ACYP2: variants seen among roughly 807,000 people sequenced by gnomAD.
ACYP2 encodes acylphosphatase 2.
A neutral mutation model predicts 11.2 loss-of-function variants in ACYP2; 12 were observed. The observed-to-expected ratio is 1.08, with a 90% CI of 0.69 to 1.74. ACYP2 has a LOEUF of 1.74. ACYP2 is among the 40% of genes most tolerant of loss of function. The pLI is 0.00. For missense variants in ACYP2, 134 were observed against 101.9 expected (o/e 1.31, Z -1.35); for synonymous variants, 43 against 32.2 (o/e 1.33, Z -1.13).
chr2:54,274,260 G>T (rs1163123841), intron 6 of ACYP2, among the ~76,000 whole-genome samples: 1 of 152,114 alleles, frequency 6.6e-6, no homozygotes, highest in Non-Finnish European at 1.5e-5. Flanking sequence ...ACTTACCATT[G>T]CAAGAACAGG....
At chr2:54,183,261 TCTG>T (rs1356083871) in intron 6 of ACYP2, among the ~76,000 whole-genome samples, 1 of 152,230 alleles carries the variant, frequency 6.6e-6, no homozygotes, top group Non-Finnish European at 1.5e-5. Context: ...GTCTGGGTGT[TCTG>T]ATGATGTGGT....
intron 6 of ACYP2, among the ~76,000 whole-genome samples, chr2:54,182,400 T>G (rs149049563): frequency 2.5e-3 from 387 of 152,234 alleles, no homozygotes; most frequent in African/African-American, 8.9e-3. Context: ...GGAATACGGT[T>G]GCACAATCAT....
At chr2:54,085,491 A>G (rs1346551905) in intron 4 of ACYP2, among the ~76,000 whole-genome samples, 2 of 152,220 alleles carry the variant, frequency 1.3e-5, no homozygotes, top group Admixed American at 1.3e-4. Context: ...AAATGTGTAT[A>G]TAGCTCACAT....
At chr2:54,017,272 C>CTTTTCTTTTTT (rs764249106) in intron 2 of ACYP2, among the ~76,000 whole-genome samples, 4 of 123,126 alleles carry the variant, frequency 3.2e-5, no homozygotes, top group African/African-American at 3.5e-5. Context: ...CTTTTCTTTT[C>CTTTTCTTTTTT]TTTTTTTTTT....
At chr2:54,014,701 G>A (rs1020744282) in intron 2 of ACYP2, among the ~76,000 whole-genome samples, 9 of 151,888 alleles carry the variant, frequency 5.9e-5, no homozygotes, top group African/African-American at 1.9e-4. Flanking sequence ...AAATAAATGA[G>A]CAAACTATAA....
intron 4 of ACYP2, among the ~76,000 whole-genome samples, chr2:54,062,169 A>G (rs1289885185): frequency 6.6e-6 from 1 of 152,192 alleles, no homozygotes; most frequent in East Asian, 1.9e-4. Context: ...TGAGGGAGTA[A>G]CATCTGGGGG....
At chr2:54,012,222 C>T (rs935995013) in intron 2 of ACYP2, among the ~76,000 whole-genome samples, 3 of 148,254 alleles carry the variant, frequency 2.0e-5, no homozygotes, top group Non-Finnish European at 4.4e-5. Flanking sequence ...GGCAACAGAG[C>T]GAGACTCCGT....
intron 2 of ACYP2, among the ~76,000 whole-genome samples, chr2:54,037,270 G>T (rs1295465860): frequency 2.0e-5 from 3 of 151,906 alleles, no homozygotes; most frequent in Non-Finnish European, 4.4e-5. Context: ...CCACCACCAT[G>T]CCTGTCTAAT....
intron 4 of ACYP2, among the ~76,000 whole-genome samples, chr2:54,088,859 G>C (rs1422353950): frequency 6.6e-6 from 1 of 152,148 alleles, no homozygotes; most frequent in Admixed American, 6.5e-5. Context: ...ACAAAGTTGT[G>C]TTTTGACCAC....
chr2:54,302,870 A>G (rs564365679), intron 6 of ACYP2, among the ~76,000 whole-genome samples: 2 of 152,206 alleles, frequency 1.3e-5, no homozygotes, highest in East Asian at 3.9e-4. Flanking sequence ...CTTTTACTAT[A>G]CCTTCAAAAT....
At chr2:54,212,703 T>G (rs1002078302) in intron 6 of ACYP2, among the ~76,000 whole-genome samples, 1 of 152,242 alleles carries the variant, frequency 6.6e-6, no homozygotes, top group African/African-American at 2.4e-5. Flanking sequence ...GTCAGCAGAT[T>G]CCTTTTCTAA....
intron 4 of ACYP2, among the ~76,000 whole-genome samples, chr2:54,110,506 C>T (rs1679403584): frequency 6.6e-6 from 1 of 152,150 alleles, no homozygotes; most frequent in Non-Finnish European, 1.5e-5. Context: ...GTATTGAATT[C>T]TGTTGATTTG....
At chr2:54,196,301 C>T in intron 6 of ACYP2, among the ~76,000 whole-genome samples, 1 of 152,150 alleles carries the variant, frequency 6.6e-6, no homozygotes, top group East Asian at 1.9e-4. Flanking sequence ...CAATCTCCAC[C>T]TCCCAGGCTC....
intron 4 of ACYP2, among the ~76,000 whole-genome samples, chr2:54,061,414 C>T (rs749038523): frequency 2.0e-5 from 3 of 152,198 alleles, no homozygotes; most frequent in Non-Finnish European, 4.4e-5. Context: ...GAGGTGGACA[C>T]GTGCTCTAAT....
chr2:54,071,412 G>T (rs989770997), intron 4 of ACYP2, among the ~76,000 whole-genome samples: 1 of 151,926 alleles, frequency 6.6e-6, no homozygotes, highest in Non-Finnish European at 1.5e-5. Flanking sequence ...AACTCTTAGA[G>T]CTAATAAACA....
intron 6 of ACYP2, among the ~76,000 whole-genome samples, chr2:54,232,739 C>A (rs952496775): frequency 6.6e-6 from 1 of 152,108 alleles, no homozygotes; most frequent in African/African-American, 2.4e-5. Flanking sequence ...GCATGTCTTA[C>A]ATGGCGGCAA....
intron 2 of ACYP2, among the ~76,000 whole-genome samples, chr2:54,049,344 C>G (rs993993745): frequency 1.3e-5 from 2 of 152,086 alleles, no homozygotes; most frequent in African/African-American, 4.8e-5. Flanking sequence ...GACTGCCTTA[C>G]CTCCTCAGAC....
intron 6 of ACYP2, among the ~76,000 whole-genome samples, chr2:54,195,574 T>C (rs1390291281): frequency 1.4e-5 from 2 of 145,136 alleles, no homozygotes; most frequent in Non-Finnish European, 3.0e-5. Context: ...GGTTGCCATG[T>C]GGCCCCCGCA....
chr2:54,266,382 A>G (rs1026654146), intron 6 of ACYP2, among the ~76,000 whole-genome samples: 5 of 152,130 alleles, frequency 3.3e-5, no homozygotes, highest in African/African-American at 1.2e-4. Flanking sequence ...TTCTTGGGAC[A>G]GTGGAGGAAA....
Sources: allele counts gnomAD v4.1 joint callset (sites outside exome capture counted in the v4.1 genomes callset), GRCh38; gene constraint gnomAD v4.1.1; transcripts MANE v1.5; gene names NCBI Gene and HGNC (gene_info 2026-07-23, HGNC 2026-07-21).